The following TEX11 variants were observed in gnomAD, a reference collection of about 807,000 sequenced individuals.
TEX11 encodes the protein testis-expressed protein 11.
A neutral mutation model predicts 84.4 loss-of-function variants in TEX11; 7 were observed. The observed-to-expected ratio is 0.08, with a 90% CI of 0.05 to 0.16. TEX11 has a LOEUF of 0.16. Among genes scored for constraint, TEX11 ranks in the 10% least tolerant of loss-of-function variants. The pLI, the probability that TEX11 is intolerant of heterozygous loss-of-function variation, is 1.00. For synonymous variants in TEX11, 264 were observed against 222.8 expected, an observed-to-expected ratio of 1.18 and a Z score of -1.64; for missense variants, 551 against 660.5, an observed-to-expected ratio of 0.83 and a Z score of 1.82.
intron 25 of TEX11, among the ~76,000 whole-genome samples, chrX:70,567,552 A>T (rs1164197218): frequency 9.1e-6 from 1 of 109,774 alleles, no homozygotes; most frequent in Non-Finnish European, 1.9e-5. Context: ...AGTGCTATAA[A>T]TTTCCCTCTA....
intron 11 of TEX11, among the ~76,000 whole-genome samples, chrX:70,738,881 T>C (rs1314760681): frequency 9.1e-6 from 1 of 110,231 alleles, no homozygotes; most frequent in Non-Finnish European, 1.9e-5. Context: ...TTCTCACTCA[T>C]AAGTGGGAGT....
chrX:70,533,127 G>C (rs1403103142), intron 28 of TEX11, among the ~76,000 whole-genome samples: 1 of 112,358 alleles, frequency 8.9e-6, no homozygotes, highest in Non-Finnish European at 1.9e-5. Context: ...AACTAAAATA[G>C]TGACAATTTA....
intron 17 of TEX11, 39 bp downstream of exon 17, chrX:70,651,411 T>A: frequency 1.1e-6 from 1 of 949,302 alleles, no homozygotes. Context: ...TTATTCTTTG[T>A]GTTAATAGTC....
At chrX:70,881,018 A>C (rs1299811708) in intron 2 of TEX11, among the ~76,000 whole-genome samples, 3 of 106,528 alleles carry the variant, frequency 2.8e-5, no homozygotes, top group African/African-American at 1.0e-4. Context: ...AAAAAAAAAA[A>C]AAAAAAAAAA....
chrX:70,515,819 GGAGT>G, the TEX11 span, among the ~76,000 whole-genome samples: 6 of 112,321 alleles, frequency 5.3e-5, no homozygotes, highest in Non-Finnish European at 7.5e-5. Context: ...CATTCTAACT[GGAGT>G]GAGATAGTAT....
chrX:70,866,890 T>A (rs1217676037), intron 4 of TEX11, among the ~76,000 whole-genome samples: 1 of 111,867 alleles, frequency 8.9e-6, no homozygotes, highest in African/African-American at 3.2e-5. Flanking sequence ...ATAAGAGCTA[T>A]TTATGACAAA....
downstream of TEX11, among the ~76,000 whole-genome samples, chrX:70,524,648 C>G (rs1002475940): frequency 5.3e-5 from 6 of 112,590 alleles, no homozygotes; most frequent in Non-Finnish European, 9.4e-5. Context: ...TCACTGTAAC[C>G]TCCGCCTCCC....
intron 2 of TEX11, among the ~76,000 whole-genome samples, chrX:70,892,357 A>G (rs757734819): frequency 9.0e-6 from 1 of 111,462 alleles, no homozygotes; most frequent in Non-Finnish European, 1.9e-5. Flanking sequence ...GAGCAAAATA[A>G]CCAGATAGCA....
At chrX:70,594,215 C>T (rs975114911) in intron 24 of TEX11, among the ~76,000 whole-genome samples, 5 of 111,140 alleles carry the variant, frequency 4.5e-5, no homozygotes, top group Non-Finnish European at 9.4e-5. Context: ...GACAACATAT[C>T]CAAAGTGATC....
chrX:70,802,464 T>C (rs2091194865), intron 9 of TEX11, among the ~76,000 whole-genome samples: 1 of 111,646 alleles, frequency 9.0e-6, no homozygotes. Context: ...TATATATATA[T>C]ATCAAAACAT....
intron 2 of TEX11, among the ~76,000 whole-genome samples, chrX:70,904,767 G>C (rs956919628): frequency 9.0e-6 from 1 of 111,731 alleles, no homozygotes; most frequent in Admixed American, 9.6e-5. Flanking sequence ...TAAAATACAT[G>C]CCAGACTTCA....
In TEX11 at chrX:70,593,093, A is replaced by G. The variant is rs867736945; in HGVS notation, c.2068-1270T>C. On this transcript the variant is annotated intron_variant, in intron 24 of 29. Transcript: ENST00000374333. Reference sequence around the variant, plus strand: ...CACACACACACACACACACACACACACACGCACACGCACACACACAGTAAT... The same window carrying G: ...CACACACACACACACACACACACACGCACGCACACGCACACACACAGTAAT... 3.8e-5 allele frequency among the ~76,000 whole-genome samples: 4 copies of G among 105,416 alleles called. No individual in the cohort carries two copies. The South Asian group carries it at 1.3e-3, about 33-fold the overall frequency. 91.5% of individuals were successfully genotyped at this position (105,416 alleles called of 115,157 possible). A position where few individuals can be genotyped will look rare whatever the true frequency, so the allele number is the denominator to read the frequency against.
intron 28 of TEX11, among the ~76,000 whole-genome samples, chrX:70,534,540 G>A (rs1358781008): frequency 8.9e-6 from 1 of 112,030 alleles, no homozygotes; most frequent in Non-Finnish European, 1.9e-5. Context: ...AAAGCCACAT[G>A]GACTTGCCTA....
At chrX:70,667,260 A>G (rs891059480) in intron 16 of TEX11, among the ~76,000 whole-genome samples, 1 of 112,072 alleles carries the variant, frequency 8.9e-6, no homozygotes, top group African/African-American at 3.2e-5. Flanking sequence ...CACAGACTGT[A>G]TGGCCTGCAA....
chrX:70,733,403 T>C (rs1414882556), intron 11 of TEX11, among the ~76,000 whole-genome samples: 3 of 111,705 alleles, frequency 2.7e-5, no homozygotes, highest in Non-Finnish European at 5.6e-5. Context: ...AATCTACTCA[T>C]CTGACAAAGG....
At position 70,691,438 on chromosome X, in the gene TEX11, A is replaced by G. The variant is rs12013522; in HGVS notation, c.1005-8613T>C. Among the ~76,000 whole-genome samples the G allele has an allele frequency of 9.9e-3, 1,104 of 112,064 alleles. 14 individuals are homozygous for G. Among genetic ancestry groups the G allele is most frequent in the African/African-American group, 0.032 (1,003 of 30,901 alleles). ...AGTGTCCATTGACAGATGAATGGAT[A>G]AGTAAAATGTGATGTATATACATAC... On this transcript the variant is annotated intron_variant, in intron 13 of 29. Transcript: ENST00000374333.
intron 9 of TEX11, among the ~76,000 whole-genome samples, chrX:70,752,063 C>G (rs780611240): frequency 1.8e-5 from 2 of 111,460 alleles, no homozygotes; most frequent in Non-Finnish European, 3.8e-5. Context: ...GATGGTAGTT[C>G]AAATCTAAAA....
At chrX:70,861,827 T>TA (rs1377690655) in intron 4 of TEX11, among the ~76,000 whole-genome samples, 4 of 111,035 alleles carry the variant, frequency 3.6e-5, no homozygotes, top group Admixed American at 1.9e-4. Flanking sequence ...AAAGACTCAC[T>TA]AAAAATACCT....
intron 7 of TEX11, among the ~76,000 whole-genome samples, chrX:70,837,606 TAAA>T (rs936476283): frequency 2.9e-5 from 3 of 102,570 alleles, no homozygotes; most frequent in Middle Eastern, 9.3e-3. Flanking sequence ...TATTAACACA[TAAA>T]AAGACAAGGA....
Sources: allele counts gnomAD v4.1 joint callset (sites outside exome capture counted in the v4.1 genomes callset), GRCh38; gene constraint gnomAD v4.1.1; transcripts MANE v1.5; gene names NCBI Gene and HGNC (gene_info 2026-07-23, HGNC 2026-07-21).